The following HIPK3 variants were observed in gnomAD, a reference collection of about 807,000 sequenced individuals.
HIPK3 encodes homeodomain interacting protein kinase 3.
A neutral mutation model predicts 124.2 loss-of-function variants in HIPK3; 47 were observed. That is an observed-to-expected ratio of 0.38 (90% CI 0.30 to 0.48). The LOEUF (loss-of-function observed/expected upper bound fraction) is 0.48. Ranked by LOEUF, HIPK3 falls within the 20% of genes least tolerant of loss-of-function variation. The pLI is 0.98. For missense variants in HIPK3, 1,286 were observed against 1,454.3 expected, an observed-to-expected ratio of 0.88 and a Z score of 1.88; for synonymous variants, 482 against 515.2, an observed-to-expected ratio of 0.94 and a Z score of 0.87.
intron 1 of HIPK3, among the ~76,000 whole-genome samples, chr11:33,283,312 G>A (rs529729072): frequency 4.6e-5 from 7 of 151,972 alleles, no homozygotes; most frequent in African/African-American, 1.7e-4. Context: ...GGGTTTCACC[G>A]TGTTAGCCAG....
chr11:33,304,761 A>G (rs147314104), intron 2 of HIPK3, among the ~76,000 whole-genome samples: 16 of 152,282 alleles, frequency 1.1e-4, no homozygotes, highest in East Asian at 1.9e-4. Flanking sequence ...TTCTGTGTCT[A>G]TGGATACTTG....
At chr11:33,343,618 A>C (rs1853409265) in intron 8 of HIPK3, among the ~76,000 whole-genome samples, 1 of 152,004 alleles carries the variant, frequency 6.6e-6, no homozygotes, top group Admixed American at 6.6e-5. Flanking sequence ...CAACTCTAAA[A>C]CTTTTTTTAT....
intron 1 of HIPK3, among the ~76,000 whole-genome samples, chr11:33,283,698 G>C (rs980465440): frequency 1.3e-5 from 2 of 150,756 alleles, no homozygotes; most frequent in African/African-American, 2.4e-5. Flanking sequence ...TTTTGGAGAC[G>C]GAGCCTCGCT....
chr11:33,261,165 AATAC>A (rs1325761073), intron 1 of HIPK3, among the ~76,000 whole-genome samples: 4 of 147,032 alleles, frequency 2.7e-5, no homozygotes, highest in African/African-American at 9.9e-5. Context: ...AAATATATAT[AATAC>A]ATTATATAAA....
intron 2 of HIPK3, among the ~76,000 whole-genome samples, chr11:33,305,247 C>G (rs565792708): frequency 6.6e-6 from 1 of 152,330 alleles, no homozygotes; most frequent in Admixed American, 6.5e-5. Context: ...AGTGATCTGC[C>G]TGCCTCAGCC....
In HIPK3 at chr11:33,262,425, C is replaced by T. The variant is rs149679059; in HGVS notation, c.-3+4536C>T. On this transcript the variant is annotated intron_variant, in intron 1 of 16. Coordinates refer to ENST00000303296, the MANE Select transcript of HIPK3 (RefSeq NM_005734.5). ...GCTTTTTGGCAGACCAGGCTGTTCTCAGTTGATACTTGGAACATATGTTAC... is the reference window on the plus strand; with the variant it reads ...GCTTTTTGGCAGACCAGGCTGTTCTTAGTTGATACTTGGAACATATGTTAC... 3.2e-4 allele frequency among the ~76,000 whole-genome samples: 48 copies of T among 152,332 alleles called. No individual in the cohort carries two copies. The East Asian group carries it at 7.3e-3, about 23-fold the overall frequency.
intron 1 of HIPK3, among the ~76,000 whole-genome samples, chr11:33,284,862 A>G (rs1039148100): frequency 6.6e-6 from 1 of 152,144 alleles, no homozygotes; most frequent in Admixed American, 6.5e-5. Context: ...ACGTTTATAT[A>G]TTGTTGTGGC....
At position 33,289,811 on chromosome 11, in the gene HIPK3, A is replaced by G. The variant is rs1213813525; in HGVS notation, c.1097+2300A>G. 2.0e-5 allele frequency among the ~76,000 whole-genome samples: 3 copies of G among 152,096 alleles called. No homozygotes were observed. The East Asian group carries it at 5.8e-4, about 29-fold the overall frequency. On this transcript the variant is annotated intron_variant, in intron 2 of 16. Transcript: ENST00000303296. The stretch of plus-strand genomic sequence containing the variant: ...TTAATCATCTCTACTCCCTACCCCC[A>G]TCTACTACCCTTCCTAGACTCTGGT...
chr11:33,327,885 T>C (rs1852858263), intron 2 of HIPK3, among the ~76,000 whole-genome samples: 1 of 152,218 alleles, frequency 6.6e-6, no homozygotes, highest in African/African-American at 2.4e-5. Context: ...AATATGTTTC[T>C]TGGAGTACAT....
chr11:33,317,265 C>T (rs1715518708), intron 2 of HIPK3, among the ~76,000 whole-genome samples: 1 of 143,114 alleles, frequency 7.0e-6, no homozygotes, highest in Non-Finnish European at 1.5e-5. Context: ...AGCCACTGTG[C>T]CTGGCCCTAT....
At chr11:33,262,351 T>C (rs1422606676) in intron 1 of HIPK3, among the ~76,000 whole-genome samples, 1 of 152,174 alleles carries the variant, frequency 6.6e-6, no homozygotes, top group Non-Finnish European at 1.5e-5. Flanking sequence ...GAATAGATAT[T>C]TGGAGGATGT....
At chr11:33,263,467 C>T (rs1850878421) in intron 1 of HIPK3, among the ~76,000 whole-genome samples, 1 of 152,076 alleles carries the variant, frequency 6.6e-6, no homozygotes, top group Non-Finnish European at 1.5e-5. Flanking sequence ...AGGTGCCTGC[C>T]ACCACACCTG....
chr11:33,261,148 A>G (rs1850812411), intron 1 of HIPK3, among the ~76,000 whole-genome samples: 1 of 146,880 alleles, frequency 6.8e-6, no homozygotes, highest in African/African-American at 2.5e-5. Context: ...TATAAAATAT[A>G]TTATATAAAT....
intron 4 of HIPK3, among the ~76,000 whole-genome samples, chr11:33,337,487 C>T (rs1245112691): frequency 2.0e-5 from 3 of 151,820 alleles, no homozygotes; most frequent in African/African-American, 7.3e-5. Context: ...TCCCAAGTAG[C>T]TGGGACTACA....
chr11:33,275,552 T>C (rs1233283386), intron 1 of HIPK3, among the ~76,000 whole-genome samples: 1 of 152,106 alleles, frequency 6.6e-6, no homozygotes, highest in Non-Finnish European at 1.5e-5. Flanking sequence ...TTAAACAAGG[T>C]AATTGAGAAA....
rs1442419735 is a variant in HIPK3 at position 33,339,375 on chromosome 11, G to A, written c.1454G>A (p.Gly485Glu). Residue 485 changes from glycine to glutamate, a missense_variant, in exon 6 of 17, where the codon GGA becomes GAA. Coordinates refer to ENST00000303296, the MANE Select transcript of HIPK3 (RefSeq NM_005734.5). ...AHVNTVMDLE[G>E]SDLLAEKADR... ...GTGAACACAGTGATGGATTTGGAAG[G>A]AAGTGATCTTTTGGCTGAGAAAGCT... 6.2e-7 allele frequency: 1 copy of A among 1,613,312 alleles called. No individual in the cohort carries two copies. The highest frequency in any genetic ancestry group is 8.5e-7 in the Non-Finnish European group (1 of 1,179,570).
rs553683105 is a variant in HIPK3, at chr11:33,347,369, C to A, written c.1974C>A (p.Ala658=). Residue 658 remains alanine, a synonymous_variant, in exon 9 of 17, where the codon GCC becomes GCA. Transcript: ENST00000303296. ...VDNTVPLVTQ[A]PAVQPLQIRP... is the part of the protein sequence containing the mutation. ...ATACAGTTCCACTTGTAACTCAGGC[C>A]CCAGCTGTGCAGCCACTACAGATCC... 1.1e-5 allele frequency: 18 copies of A among 1,613,978 alleles called. No homozygotes were observed. In the South Asian group the frequency reaches 2.0e-4, roughly 18 times the overall value.
At chr11:33,302,343 T>TTTTTTTTTTC (rs1263175129) in intron 2 of HIPK3, among the ~76,000 whole-genome samples, 1 of 139,206 alleles carries the variant, frequency 7.2e-6, no homozygotes, top group Non-Finnish European at 1.6e-5. Flanking sequence ...TCCTTACTTC[T>TTTTTTTTTTC]TTTTTTTTTT....
At chr11:33,276,237 T>C (rs1002075099) in intron 1 of HIPK3, among the ~76,000 whole-genome samples, 2 of 152,130 alleles carry the variant, frequency 1.3e-5, no homozygotes, top group Non-Finnish European at 2.9e-5. Flanking sequence ...CTCTAACTAA[T>C]TGCATAAAGT....
Sources: allele counts gnomAD v4.1 joint callset (sites outside exome capture counted in the v4.1 genomes callset), GRCh38; gene constraint gnomAD v4.1.1; transcripts MANE v1.5; gene names NCBI Gene and HGNC (gene_info 2026-07-23, HGNC 2026-07-21).